ZNF202: variants seen among roughly 807,000 people sequenced by gnomAD.
ZNF202 encodes the protein zinc finger protein 202.
Under a neutral mutation model 54.5 loss-of-function variants are expected in ZNF202, and 22 were observed. The observed-to-expected ratio is 0.40, with a 90% CI of 0.29 to 0.58. The LOEUF (loss-of-function observed/expected upper bound fraction) is 0.58, where lower values mean the gene tolerates loss of function less well. Among genes scored for constraint, ZNF202 ranks in the 20% least tolerant of loss-of-function variants. ZNF202 has a pLI of 0.39. For missense variants in ZNF202, 644 were observed against 805.5 expected (o/e 0.80, Z 2.43); for synonymous variants, 294 against 301.4 (o/e 0.98, Z 0.26).
intron 3 of ZNF202, among the ~76,000 whole-genome samples, chr11:123,736,058 GC>G (rs1861623305): frequency 6.6e-6 from 1 of 152,158 alleles, no homozygotes; most frequent in Non-Finnish European, 1.5e-5. Context: ...TTCCTAGGAT[GC>G]ATAGGATTGG....
In ZNF202 at chr11:123,724,663, T is replaced by C. The variant is rs1376102724; in HGVS notation, c.*1334A>G. 5.3e-5 allele frequency: 8 copies of C among 152,206 alleles called. No homozygotes were observed. The highest frequency in any genetic ancestry group is 3.9e-4 in the Admixed American group (6 of 15,286). The allele number at this position is 152,206 out of a possible 1,614,324, so 9.4% of individuals were successfully genotyped here. On this transcript the variant is annotated 3_prime_UTR_variant, in exon 9 of 9. Transcript: ENST00000530393. Reference sequence around the variant, plus strand: ...TCAGAGAAGGTGAGGTTCATAATTATTCAGCCTCATCTCCAAGGAACCTTT... The same window carrying C: ...TCAGAGAAGGTGAGGTTCATAATTACTCAGCCTCATCTCCAAGGAACCTTT...
At chr11:123,727,370 A>T in intron 8 of ZNF202, 106 bp downstream of exon 8, 3 of 1,483,532 alleles carry the variant, frequency 2.0e-6, no homozygotes, top group Non-Finnish European at 2.7e-6. Flanking sequence ...GTACTGGCTG[A>T]CATGTTAGAA....
intron 3 of ZNF202, among the ~76,000 whole-genome samples, chr11:123,733,555 A>C (rs1189775423): frequency 1.3e-5 from 2 of 152,030 alleles, no homozygotes; most frequent in Non-Finnish European, 2.9e-5. Flanking sequence ...AATGGTTTCA[A>C]TGATCTTGGA....
At chr11:123,740,958 A>T (rs1247756639) in intron 1 of ZNF202, among the ~76,000 whole-genome samples, 2 of 151,998 alleles carry the variant, frequency 1.3e-5, no homozygotes, top group Admixed American at 1.3e-4. Flanking sequence ...GGTCTGTCAC[A>T]GTGGCAGCTG....
At chr11:123,727,399 C>T in intron 8 of ZNF202, 77 bp downstream of exon 8, 1 of 1,590,012 alleles carries the variant, frequency 6.3e-7, no homozygotes, top group South Asian at 1.1e-5. Context: ...GAGAGCGGGG[C>T]CCTACAGAGA....
chr11:123,732,317 A>G (rs1861444225), intron 3 of ZNF202, among the ~76,000 whole-genome samples: 1 of 152,174 alleles, frequency 6.6e-6, no homozygotes, highest in Non-Finnish European at 1.5e-5. Flanking sequence ...TGTCTTGTTA[A>G]GTGAAATACA....
rs1861128953 is a variant in ZNF202 at position 123,726,241 on chromosome 11, C to T, written c.1703G>A (p.Ser568Asn). 1 of 1,614,128 alleles carries T rather than the reference C, an allele frequency of 6.2e-7. No homozygotes were observed. The highest frequency in any genetic ancestry group is 1.7e-5 in the Admixed American group (1 of 60,008). Residue 568 changes from serine (S) to asparagine (N), a missense_variant, in exon 9 of 9, where the codon AGC (serine) becomes AAC (asparagine). By Grantham distance (46) the Ser-to-Asn change is conservative. Around this residue, in one of 3 missense-constraint regions of ZNF202, gnomAD observed 536 missense variants for 635.3 expected, o/e 0.84. Coordinates refer to ENST00000530393, the MANE Select transcript of ZNF202 (RefSeq NM_003455.4). The surrounding 1 kb of genome is among the most constrained non-coding windows in gnomAD (Gnocchi z 6.0). ...GTGGGTGAAGCAGCGCCCGCACTCG[C>T]TGCAGAGGTAGAGTTCCTCAGCAGC... ...THAAEELYLC[S>N]ECGRCFTHSA... is the part of the protein sequence containing the mutation.
intron 4 of ZNF202, 113 bp from the exon 5 acceptor site, chr11:123,729,938 G>C (rs1360718127): frequency 9.1e-7 from 1 of 1,098,562 alleles, no homozygotes; most frequent in Non-Finnish European, 1.3e-6. Flanking sequence ...GAGGGACCCA[G>C]ACAAGGAGGG....
chr11:123,725,658 T>G lies in ZNF202; in HGVS notation c.*339A>C. ...TGAAGCTGTTGAGCAGTCTTTAGGATATGTAACAGCCTATTTTTTGGACGA... is the reference window on the plus strand; with the variant it reads ...TGAAGCTGTTGAGCAGTCTTTAGGAGATGTAACAGCCTATTTTTTGGACGA... On this transcript the variant is annotated 3_prime_UTR_variant, in exon 9 of 9. Coordinates refer to ENST00000530393, the MANE Select transcript of ZNF202 (RefSeq NM_003455.4). 4.5e-6 allele frequency: 1 copy of G among 224,130 alleles called. No individual in the cohort carries two copies. The highest frequency in any genetic ancestry group is 8.9e-6 in the Non-Finnish European group (1 of 112,280). 13.9% of individuals were successfully genotyped at this position (224,130 alleles called of 1,614,324 possible). A position where few individuals can be genotyped will look rare whatever the true frequency, so the allele number is the denominator to read the frequency against.
chr11:123,734,137 G>A (rs1423646464), intron 3 of ZNF202, among the ~76,000 whole-genome samples: 1 of 152,152 alleles, frequency 6.6e-6, no homozygotes, highest in Non-Finnish European at 1.5e-5. Context: ...CACACAGGGA[G>A]AGACAGACAC....
At position 123,739,467 on chromosome 11, in the gene ZNF202, A is replaced by G. The variant is rs952482810; in HGVS notation, c.-98+650T>C. The G allele has an allele frequency of 6.4e-4, 97 of 152,246 alleles. 3 individuals are homozygous for G. Among genetic ancestry groups the G allele is most frequent in the Non-Finnish European group, 1.5e-5 (1 of 68,048 alleles). The allele number at this position is 152,246 out of a possible 1,614,324, so 9.4% of individuals were successfully genotyped here. ...ACTTAACAGGTAGTTAAGAAATTGC[A>G]GAATTTTAGCAATACTAGGAATTCA... On this transcript the variant is annotated intron_variant, in intron 3 of 8. Transcript: ENST00000530393.
At chr11:123,728,326 T>C (rs1244498410) in intron 6 of ZNF202, 64 bp from the exon 7 acceptor site, 23 of 1,533,462 alleles carry the variant, frequency 1.5e-5, no homozygotes, top group East Asian at 1.3e-4. Flanking sequence ...TTTGTCCCTG[T>C]TGAAGGTCAT....
At position 123,726,618 on chromosome 11, in the gene ZNF202, C is replaced by T. The variant is rs1266038286; in HGVS notation, c.1326G>A (p.Arg442=). The change falls in exon 9 of 9, where the codon AGG becomes AGA. Residue 442 remains arginine, a synonymous_variant. Transcript: ENST00000530393. The surrounding 1 kb of genome is among the most constrained non-coding windows in gnomAD (Gnocchi z 6.0). ...KSYTRSSHLA[R]HQKVHKMNAP... is the part of the protein sequence containing the mutation. ...CGTTCATCTTGTGAACCTTTTGGTGCCTGGCAAGATGTGAGCTTCGTGTGT... is the reference window on the plus strand; with the variant it reads ...CGTTCATCTTGTGAACCTTTTGGTGTCTGGCAAGATGTGAGCTTCGTGTGT... The T allele has an allele frequency of 6.2e-7, 1 of 1,614,148 alleles. No individual in the cohort carries two copies. Among genetic ancestry groups the T allele is most frequent in the East Asian group, 2.2e-5 (1 of 44,878 alleles).
intron 1 of ZNF202, 31 bp downstream of exon 1, chr11:123,741,498 TCCGGCCCGGTCCAGCCCGGC>T (rs1455806656): frequency 4.6e-5 from 7 of 152,104 alleles, no homozygotes; most frequent in South Asian, 2.1e-4. Flanking sequence ...CCCGATCTGG[TCCGGCCCGGTCCAGCCCGGC>T]CCGGCCCAGC....
At chr11:123,729,436 C>T (rs1861302335) in intron 5 of ZNF202, among the ~76,000 whole-genome samples, 179 bp downstream of exon 5, 1 of 152,118 alleles carries the variant, frequency 6.6e-6, no homozygotes, top group South Asian at 2.1e-4. Context: ...CTAAGCTTGG[C>T]CCTGTTTATG....
In ZNF202 at chr11:123,730,921, G is replaced by A. The variant is rs762072582; in HGVS notation, c.-33C>T. The A allele has an allele frequency of 3.2e-6, 5 of 1,586,630 alleles. No homozygotes were observed. Among genetic ancestry groups the A allele is most frequent in the Non-Finnish European group, 4.3e-6 (5 of 1,165,036 alleles). ...CTTTGGGGTGGTCTCACACCATCTA[G>A]AGCTCACACTGTCATTAGCCCCCCG... On this transcript the variant is annotated 5_prime_UTR_variant, in exon 4 of 9. Coordinates refer to ENST00000530393, the MANE Select transcript of ZNF202 (RefSeq NM_003455.4). The surrounding 1 kb of genome is among the most constrained non-coding windows in gnomAD (Gnocchi z 6.0).
intron 1 of ZNF202, among the ~76,000 whole-genome samples, chr11:123,741,226 G>A (rs765818032): frequency 1.1e-4 from 16 of 152,138 alleles, no homozygotes; most frequent in Non-Finnish European, 1.9e-4. Context: ...GAAGCGTTAG[G>A]AGGTACGAGG....
chr11:123,726,435 A>G lies in ZNF202; in HGVS notation c.1509T>C (p.His503=). 1.9e-6 allele frequency: 3 copies of G among 1,614,140 alleles called. No individual in the cohort carries two copies. The highest frequency in any genetic ancestry group is 2.5e-6 in the Non-Finnish European group (3 of 1,180,020). Residue 503 remains histidine, a synonymous_variant, in exon 9 of 9, where the codon CAT becomes CAC. Transcript: ENST00000530393. This position sits in a 1 kb window ranked among gnomAD's most constrained non-coding sequence, Gnocchi z 6.0. The part of the protein sequence containing the change: ...TSDLVRHQRT[H]TGEKPFFCTI... ...TACAAAAGAAGGGTTTTTCTCCAGT[A>G]TGTGTCCTCTGATGTCTGACAAGGT...
chr11:123,735,722 G>C (rs1015025829), intron 3 of ZNF202, among the ~76,000 whole-genome samples: 1 of 152,184 alleles, frequency 6.6e-6, no homozygotes, highest in East Asian at 1.9e-4. Flanking sequence ...CTAACTCAGT[G>C]ATTATCTGAG....
Sources: gnomAD v4.1 joint callset for allele counts (sites outside exome capture counted in the v4.1 genomes callset) on GRCh38, gnomAD v4.1.1 for gene constraint, gnomAD v4.1.1 regional missense constraint, Gnocchi (gnomAD v3.1) non-coding constraint, MANE v1.5 for transcripts, NCBI Gene and HGNC (gene_info 2026-07-23, HGNC 2026-07-21) for gene names.